SEL1L3: variants seen among roughly 807,000 people sequenced by gnomAD.
The protein encoded by SEL1L3 is protein sel-1 homolog 3.
Under a neutral mutation model 142.8 loss-of-function variants are expected in SEL1L3, and 76 were observed. That is an observed-to-expected ratio of 0.53 (90% CI 0.44 to 0.64). The LOEUF is 0.64. Ranked by LOEUF, SEL1L3 falls within the 30% of genes least tolerant of loss-of-function variation. The pLI, the probability that SEL1L3 is intolerant of heterozygous loss-of-function variation, is 0.00. For synonymous variants in SEL1L3, 504 were observed against 519.6 expected, an observed-to-expected ratio of 0.97 and a Z score of 0.41; for missense variants, 1,262 against 1,381.7, an observed-to-expected ratio of 0.91 and a Z score of 1.37.
chr4:25,862,769 A>C lies in SEL1L3; in HGVS notation c.68T>G (p.Val23Gly). The C allele has an allele frequency of 1.7e-6, 2 of 1,201,306 alleles. No individual in the cohort carries two copies. The highest frequency in any genetic ancestry group is 4.5e-5 in the Admixed American group (1 of 22,352). The allele number at this position is 1,201,306 out of a possible 1,614,324, so 74.4% of individuals were successfully genotyped here. Residue 23 changes from valine to glycine, a missense_variant, in exon 1 of 24, where the codon GTC (valine) becomes GGC (glycine). By Grantham distance (109) the Val-to-Gly change is moderately radical. Transcript: ENST00000399878. ...GACCATGGCTGCGGCCCGGGGGCCG[A>C]CCGCGAGCGGCGGGGGTTGCTGCTG... ...QQQQQPPPLA[V>G]GPRAAAMVPS...
At chr4:25,822,187 C>G (rs1714809433) in intron 6 of SEL1L3, 59 bp from the exon 7 acceptor site, 1 of 1,602,938 alleles carries the variant, frequency 6.2e-7, no homozygotes, top group African/African-American at 1.3e-5. Flanking sequence ...GATTTAAAAA[C>G]AGTCTCTTTC....
the SEL1L3 span, among the ~76,000 whole-genome samples, chr4:25,725,062 G>A: frequency 2.2e-4 from 33 of 152,250 alleles, no homozygotes; most frequent in South Asian, 5.2e-3. Flanking sequence ...TTCCTGGGAG[G>A]TGGAGTATTC....
chr4:25,814,704 C>T (rs537215572), intron 9 of SEL1L3, among the ~76,000 whole-genome samples: 4 of 152,042 alleles, frequency 2.6e-5, no homozygotes, highest in Non-Finnish European at 5.9e-5. Context: ...GCGTCACACT[C>T]GTCTTACTAC....
intron 6 of SEL1L3, among the ~76,000 whole-genome samples, chr4:25,825,192 C>T (rs1013917529): frequency 2.6e-5 from 4 of 152,134 alleles, no homozygotes; most frequent in Admixed American, 1.3e-4. Context: ...GGCACTGAAT[C>T]GTAATTTTTA....
chr4:25,843,121 G>A (rs1400783999), intron 2 of SEL1L3, among the ~76,000 whole-genome samples: 1 of 152,198 alleles, frequency 6.6e-6, no homozygotes, highest in African/African-American at 2.4e-5. Context: ...CAGTGGGGAA[G>A]GGTGTGCGTG....
intron 2 of SEL1L3, among the ~76,000 whole-genome samples, chr4:25,842,219 T>G (rs1459020080): frequency 6.6e-6 from 1 of 151,414 alleles, no homozygotes; most frequent in Non-Finnish European, 1.5e-5. Flanking sequence ...CCAGCATTTA[T>G]GAAGTTAATT....
chr4:25,853,126 A>G (rs1354971281), intron 1 of SEL1L3, among the ~76,000 whole-genome samples: 1 of 152,208 alleles, frequency 6.6e-6, no homozygotes, highest in African/African-American at 2.4e-5. Context: ...TGGTAATCCC[A>G]GTGCTTTGGG....
rs74682259 is a variant in SEL1L3 at position 25,813,682 on chromosome 4, G to A, written c.1564+4456C>T. ...GCTGAACTGTGTACACCTAAAACTGGTTCAGATGGCAAATTTTGTTATGTG... is the reference window on the plus strand; with the variant it reads ...GCTGAACTGTGTACACCTAAAACTGATTCAGATGGCAAATTTTGTTATGTG... On this transcript the variant is annotated intron_variant, in intron 9 of 23. Transcript: ENST00000399878. 1.5e-3 allele frequency among the ~76,000 whole-genome samples: 232 copies of A among 152,256 alleles called. 3 individuals are homozygous for A. In the East Asian group the frequency reaches 0.026, roughly 17 times the overall value.
chr4:25,767,010 G>A (rs1023717874), intron 19 of SEL1L3, among the ~76,000 whole-genome samples: 1 of 152,176 alleles, frequency 6.6e-6, no homozygotes, highest in Non-Finnish European at 1.5e-5. Flanking sequence ...AAATGTTGGG[G>A]GCCAGGTGCA....
the SEL1L3 span, among the ~76,000 whole-genome samples, chr4:25,732,976 C>G: frequency 6.6e-6 from 1 of 152,068 alleles, no homozygotes; most frequent in African/African-American, 2.4e-5. Flanking sequence ...AAACTCCTGA[C>G]CTCAAGTGAT....
chr4:25,763,339 T>A (rs1450214003), intron 20 of SEL1L3, among the ~76,000 whole-genome samples: 3 of 152,182 alleles, frequency 2.0e-5, no homozygotes, highest in Non-Finnish European at 1.5e-5. Context: ...GGCACTGGGC[T>A]TAGAGCTTTA....
At chr4:25,774,795 A>G (rs1046683046) in intron 17 of SEL1L3, among the ~76,000 whole-genome samples, 1 of 152,238 alleles carries the variant, frequency 6.6e-6, no homozygotes, top group Non-Finnish European at 1.5e-5. Context: ...CAGTGAGCCA[A>G]GATCGTGCCA....
chr4:25,852,052 C>A (rs1013893565), intron 1 of SEL1L3, among the ~76,000 whole-genome samples: 3 of 152,052 alleles, frequency 2.0e-5, no homozygotes, highest in African/African-American at 7.2e-5. Context: ...CCACCCCCCC[C>A]AGGAGAGGTT....
chr4:25,851,907 A>AAT (rs986252679), intron 1 of SEL1L3, among the ~76,000 whole-genome samples: 16 of 150,208 alleles, frequency 1.1e-4, no homozygotes, highest in African/African-American at 3.4e-4. Context: ...AAAAAAAAAA[A>AAT]GGTCACAGTG....
At chr4:25,861,089 C>T (rs1011448787) in intron 1 of SEL1L3, among the ~76,000 whole-genome samples, 1 of 152,158 alleles carries the variant, frequency 6.6e-6, no homozygotes, top group African/African-American at 2.4e-5. Context: ...TCGGCCCGGC[C>T]CATTTGTATA....
intron 6 of SEL1L3, among the ~76,000 whole-genome samples, chr4:25,824,559 C>T (rs1193158127): frequency 1.3e-5 from 2 of 152,190 alleles, no homozygotes; most frequent in East Asian, 3.8e-4. Context: ...CATCCTTAAC[C>T]TAGCCCTCTG....
chr4:25,766,416 G>A (rs1056704134), intron 19 of SEL1L3, among the ~76,000 whole-genome samples: 1 of 148,252 alleles, frequency 6.7e-6, no homozygotes, highest in East Asian at 2.0e-4. Flanking sequence ...CTCCAGCCTA[G>A]GCGACACAGC....
chr4:25,828,751 C>G (rs1465972133), intron 6 of SEL1L3, among the ~76,000 whole-genome samples: 1 of 152,050 alleles, frequency 6.6e-6, no homozygotes, highest in African/African-American at 2.4e-5. Context: ...GTCTGCCCCT[C>G]TTTGCTTCCC....
At chr4:25,722,624 C>CT in the SEL1L3 span, among the ~76,000 whole-genome samples, 250 of 103,618 alleles carry the variant, frequency 2.4e-3, 1 homozygote, top group Middle Eastern at 5.4e-3. Context: ...CCAAAGGAGG[C>CT]TTTTTTTTTT....
Sources: gnomAD v4.1 joint callset for allele counts (sites outside exome capture counted in the v4.1 genomes callset) on GRCh38, gnomAD v4.1.1 for gene constraint, MANE v1.5 for transcripts, NCBI Gene and HGNC (gene_info 2026-07-23, HGNC 2026-07-21) for gene names.